NEO1: variants seen among roughly 807,000 people sequenced by gnomAD.
The protein encoded by NEO1 is neogenin 1.
A neutral mutation model predicts 159.7 loss-of-function variants in NEO1; 63 were observed. The observed-to-expected ratio is 0.39, with a 90% CI of 0.32 to 0.49. The LOEUF (loss-of-function observed/expected upper bound fraction) is 0.49. NEO1 is among the 20% of genes least tolerant of loss of function. NEO1 has a pLI of 0.85. For missense variants in NEO1, 1,615 were observed against 1,831.0 expected, an observed-to-expected ratio of 0.88 and a Z score of 2.15; for synonymous variants, 633 against 662.0, an observed-to-expected ratio of 0.96 and a Z score of 0.67.
chr15:73,236,154 T>A (rs1312242315), intron 7 of NEO1, 193 bp from the exon 8 acceptor site: 13 of 746,934 alleles, frequency 1.7e-5, no homozygotes, highest in Non-Finnish European at 2.3e-5. Flanking sequence ...TGGCCTTTTT[T>A]ATGTTCATTC....
chr15:73,226,530 T>C (rs918358960), intron 7 of NEO1, among the ~76,000 whole-genome samples: 3 of 152,200 alleles, frequency 2.0e-5, no homozygotes, highest in Admixed American at 2.0e-4. Context: ...AACATACTAA[T>C]ATGCATGGCA....
At chr15:73,106,598 A>G (rs1276905728) in intron 1 of NEO1, among the ~76,000 whole-genome samples, 2 of 152,116 alleles carry the variant, frequency 1.3e-5, no homozygotes, top group African/African-American at 4.8e-5. Flanking sequence ...CACTGTCCCT[A>G]TTGGATAGTG....
At position 73,124,294 on chromosome 15, in the gene NEO1, C is replaced by G. The variant is rs117792651; in HGVS notation, c.724+1494C>G. Among the ~76,000 whole-genome samples, 1,112 of 152,138 alleles carry G rather than the reference C, an allele frequency of 7.3e-3. 40 individuals carry two copies. Among genetic ancestry groups the G allele is most frequent in the East Asian group, 0.059 (306 of 5,170 alleles). Reference sequence around the variant, plus strand: ...CCCAAGTTGGCCTTGAACTCCTGGGCTCAAGTGATTCTCCTACCTTGGCCT... The same window carrying G: ...CCCAAGTTGGCCTTGAACTCCTGGGGTCAAGTGATTCTCCTACCTTGGCCT... On this transcript the variant is annotated intron_variant, in intron 3 of 28. Transcript: ENST00000261908.
chr15:73,112,502 A>G (rs903889566), intron 1 of NEO1, among the ~76,000 whole-genome samples: 12 of 152,148 alleles, frequency 7.9e-5, no homozygotes, highest in Non-Finnish European at 1.6e-4. Context: ...TTGATTTAAA[A>G]GGCTGCCTAA....
intron 1 of NEO1, among the ~76,000 whole-genome samples, chr15:73,059,337 A>G (rs1004414072): frequency 6.6e-6 from 1 of 152,220 alleles, no homozygotes; most frequent in African/African-American, 2.4e-5. Flanking sequence ...TCTGAAGTGC[A>G]GATTACGTGT....
At chr15:73,095,631 G>A (rs1321849562) in intron 1 of NEO1, among the ~76,000 whole-genome samples, 1 of 150,168 alleles carries the variant, frequency 6.7e-6, no homozygotes, top group Non-Finnish European at 1.5e-5. Flanking sequence ...AGATGATTTG[G>A]TTCTATAGCA....
chr15:73,101,213 A>T (rs561843407), intron 1 of NEO1, among the ~76,000 whole-genome samples: 2 of 152,262 alleles, frequency 1.3e-5, no homozygotes, highest in African/African-American at 4.8e-5. Flanking sequence ...TTCTTCTTTG[A>T]TCTGTGGGTT....
intron 20 of NEO1, 56 bp downstream of exon 20, chr15:73,274,061 G>A (rs2041295417): frequency 1.3e-6 from 2 of 1,493,670 alleles, no homozygotes; most frequent in Admixed American, 3.6e-5. Flanking sequence ...GGGCTATGCT[G>A]ACACTATCAC....
At chr15:73,235,757 T>C (rs2039136806) in intron 7 of NEO1, among the ~76,000 whole-genome samples, 1 of 152,192 alleles carries the variant, frequency 6.6e-6, no homozygotes, top group Non-Finnish European at 1.5e-5. Context: ...GGTTTAATAT[T>C]AGACTAAAGT....
chr15:73,222,306 G>T (rs8027978), intron 7 of NEO1, among the ~76,000 whole-genome samples: 4 of 151,100 alleles, frequency 2.6e-5, no homozygotes, highest in Non-Finnish European at 5.9e-5. Flanking sequence ...GGGTTTCACC[G>T]TGTTAGCCAG....
At chr15:73,293,721 A>C (rs1461924116) in intron 26 of NEO1, among the ~76,000 whole-genome samples, 173 bp downstream of exon 26, 1 of 152,170 alleles carries the variant, frequency 6.6e-6, no homozygotes, top group East Asian at 1.9e-4. Context: ...TTCACCCCAT[A>C]TTTCTACTTA....
chr15:73,236,618 C>G, intron 8 of NEO1, 112 bp downstream of exon 8: 1 of 853,556 alleles, frequency 1.2e-6, no homozygotes, highest in Non-Finnish European at 1.9e-6. Context: ...AAAATAAGAT[C>G]ACTGAGATGC....
intron 7 of NEO1, among the ~76,000 whole-genome samples, chr15:73,219,821 G>C (rs1409703438): frequency 1.4e-5 from 2 of 144,740 alleles, no homozygotes; most frequent in African/African-American, 2.6e-5. Flanking sequence ...GTGTGTCTCT[G>C]CACGTGAGAT....
chr15:73,126,275 G>A, intron 3 of NEO1, 142 bp from the exon 4 acceptor site: 1 of 629,738 alleles, frequency 1.6e-6, no homozygotes, highest in South Asian at 2.2e-5. Context: ...TTGCTATATT[G>A]CCTACGCTGG....
chr15:73,277,229 C>T (rs1425576347), intron 21 of NEO1, among the ~76,000 whole-genome samples: 1 of 152,194 alleles, frequency 6.6e-6, no homozygotes, highest in African/African-American at 2.4e-5. Context: ...GCAATTCTTT[C>T]AGACCTCTTT....
chr15:73,253,372 A>T (rs1217388010), intron 11 of NEO1, 28 bp from the exon 12 acceptor site: 6 of 1,386,840 alleles, frequency 4.3e-6, no homozygotes, highest in South Asian at 2.6e-5. Flanking sequence ...TTAAAAAAAA[A>T]ATTTTTTTTT....
At chr15:73,185,049 C>T (rs1243332334) in intron 7 of NEO1, among the ~76,000 whole-genome samples, 2 of 152,074 alleles carry the variant, frequency 1.3e-5, no homozygotes, top group Non-Finnish European at 2.9e-5. Flanking sequence ...GGCTAAAAAC[C>T]GTGTGATTCC....
intron 21 of NEO1, among the ~76,000 whole-genome samples, chr15:73,276,431 A>G (rs965336266): frequency 2.0e-5 from 3 of 152,236 alleles, no homozygotes; most frequent in Non-Finnish European, 4.4e-5. Flanking sequence ...CATCTCCACC[A>G]GCTAGACTTT....
intron 2 of NEO1, among the ~76,000 whole-genome samples, chr15:73,117,930 CCTTTT>C (rs1211665453): frequency 6.6e-6 from 1 of 151,376 alleles, no homozygotes; most frequent in Non-Finnish European, 1.5e-5. Context: ...TATTTTTCTT[CCTTTT>C]CTTTTCTTTC....
Sources: allele counts gnomAD v4.1 joint callset (sites outside exome capture counted in the v4.1 genomes callset), GRCh38; gene constraint gnomAD v4.1.1; transcripts MANE v1.5; gene names NCBI Gene and HGNC (gene_info 2026-07-23, HGNC 2026-07-21).